Variants in TUBAL3 observed in about 807,000 individuals in gnomAD.
TUBAL3 encodes tubulin alpha like 3.
Under a neutral mutation model 15.5 loss-of-function variants are expected in TUBAL3, and 16 were observed. The observed-to-expected ratio is 1.04, with a 90% CI of 0.70 to 1.57. TUBAL3 has a LOEUF of 1.57. Among genes scored for constraint, TUBAL3 ranks in the 40% most tolerant of loss-of-function variants. The pLI is 0.00. For missense variants in TUBAL3, 609 were observed against 576.2 expected (o/e 1.06, Z -0.58); for synonymous variants, 238 against 224.3 (o/e 1.06, Z -0.55).
Position 5,396,726 on chromosome 10 carries a change from T to C in TUBAL3, c.248-1251A>G, listed in dbSNP as rs116813979. ...AGCCCCTGCCAGGTCTCATTGCCTT[T>C]TAAAAACCTGGGCAGCATGCCCTAC... is the stretch of plus-strand genomic sequence containing the variant. On this transcript the variant is annotated intron_variant, in intron 2 of 3. Transcript: ENST00000380419. This position sits in a 1 kb window ranked among gnomAD's most constrained non-coding sequence, Gnocchi z 5.1. Among the ~76,000 whole-genome samples, 2,178 of 152,236 alleles carry C rather than the reference T, an allele frequency of 0.014. 60 individuals are homozygous for C. The highest frequency in any genetic ancestry group is 0.049 in the African/African-American group (2,053 of 41,530).
intron 2 of TUBAL3, among the ~76,000 whole-genome samples, chr10:5,399,384 A>G (rs1414533053): frequency 6.6e-6 from 1 of 152,144 alleles, no homozygotes; most frequent in African/African-American, 2.4e-5. Flanking sequence ...GGGCCCTTAT[A>G]AGAAGAGACA....
rs1831742420 is a variant in TUBAL3, at chr10:5,395,057, T to C, written c.396+270A>G. Among the ~76,000 whole-genome samples, 1 of 152,158 alleles carries C rather than the reference T, an allele frequency of 6.6e-6. No homozygotes were observed. Among genetic ancestry groups the C allele is most frequent in the African/African-American group, 2.4e-5 (1 of 41,434 alleles). On this transcript the variant is annotated intron_variant, in intron 3 of 3. Coordinates refer to ENST00000380419, the MANE Select transcript of TUBAL3 (RefSeq NM_024803.3). This position sits in a 1 kb window ranked among gnomAD's most constrained non-coding sequence, Gnocchi z 4.6. ...TTTAGAGTGCTATGGGAGTCTCTCG[T>C]AACAAGATGAACCCTGTGTTAGGAG...
chr10:5,400,684 T>C (rs532218360), intron 2 of TUBAL3, among the ~76,000 whole-genome samples, 160 bp downstream of exon 2: 3 of 152,200 alleles, frequency 2.0e-5, no homozygotes, highest in Non-Finnish European at 4.4e-5. Flanking sequence ...TGGGTGTGTT[T>C]GTCATGTTAA....
chr10:5,398,647 C>A (rs1831802346), intron 2 of TUBAL3, among the ~76,000 whole-genome samples: 1 of 152,154 alleles, frequency 6.6e-6, no homozygotes, highest in Non-Finnish European at 1.5e-5. Flanking sequence ...CCCGGTTATT[C>A]ATTCCTTCTG....
chr10:5,393,641 T>A lies in TUBAL3; in HGVS notation c.1217A>T (p.Tyr406Phe). ...ARLDHKFDLM[Y>F]AKRAFLHWYL... The stretch of plus-strand genomic sequence containing the variant: ...CCAGTGCAGAAATGCTCTCTTGGCG[T>A]ACATGAGGTCAAACTTGTGGTCCAG... Residue 406 changes from tyrosine to phenylalanine, a missense_variant, in exon 4 of 4, where the codon TAC (tyrosine) becomes TTC (phenylalanine). Transcript: ENST00000380419. 6.2e-7 allele frequency: 1 copy of A among 1,614,180 alleles called. No individual in the cohort carries two copies. Among genetic ancestry groups the A allele is most frequent in the Non-Finnish European group, 8.5e-7 (1 of 1,180,042 alleles).
intron 2 of TUBAL3, among the ~76,000 whole-genome samples, chr10:5,399,067 G>A (rs1831808767): frequency 6.6e-6 from 1 of 152,068 alleles, no homozygotes; most frequent in Admixed American, 6.6e-5. Flanking sequence ...GGCAAACCTA[G>A]GACCAAACCC....
In TUBAL3 at chr10:5,395,458, G is replaced by A; in HGVS notation, c.265C>T (p.Gln89Ter). ...TCGGGGTGGAAGAGTGAACGGTGCT[G>A]GCCCGTCCGGATCCCATCTGCAGAG... ...PTVIDGIRTG[Q>*]HRSLFHPEQL... Residue 89 changes from glutamine (Q) to a stop codon, truncating the protein, a stop_gained, in exon 3 of 4, where the codon CAG (glutamine) becomes TAG (stop). Transcript: ENST00000380419. LOFTEE classifies it high-confidence loss of function. This position sits in a 1 kb window ranked among gnomAD's most constrained non-coding sequence, Gnocchi z 4.6. The A allele has an allele frequency of 6.4e-7, 1 of 1,561,444 alleles. No homozygotes were observed. Among genetic ancestry groups the A allele is most frequent in the East Asian group, 2.4e-5 (1 of 41,960 alleles).
In TUBAL3 at chr10:5,401,053, C is replaced by T. The variant is rs1453943274; in HGVS notation, c.38G>A (p.Gly13Asp). 9 of 1,613,984 alleles carry T rather than the reference C, an allele frequency of 5.6e-6. No homozygotes were observed. The highest frequency in any genetic ancestry group is 7.6e-6 in the Non-Finnish European group (9 of 1,180,034). The change falls in exon 2 of 4, where the codon GGC becomes GAC. Residue 13 changes from glycine to aspartate, a missense_variant. Physicochemically the swap from Gly to Asp is moderately conservative, Grantham distance 94 (BLOSUM62 -1). Coordinates refer to ENST00000380419, the MANE Select transcript of TUBAL3 (RefSeq NM_024803.3). ...ECLSIHIGQAGIQIGDACWEL... is the reference protein window; with the variant it reads ...ECLSIHIGQADIQIGDACWEL... Reference sequence around the variant, plus strand: ...CCAGCAGGCGTCCCCAATCTGGATGCCAGCTTGACCGATGTGGATGGAAAG... The same window carrying T: ...CCAGCAGGCGTCCCCAATCTGGATGTCAGCTTGACCGATGTGGATGGAAAG...
chr10:5,394,113 G>A lies in TUBAL3; in HGVS notation c.745C>T (p.Leu249Phe), dbSNP rs1554813825. ...ACATTCAAGGGCCCTTCAAACCGGA[G>A]GGAGGCAGTGATGGAAGATACCACC... ...VQVVSSITAS[L>F]RFEGPLNVDL... Residue 249 changes from leucine (L) to phenylalanine (F), a missense_variant, in exon 4 of 4, where the codon CTC becomes TTC. Coordinates refer to ENST00000380419, the MANE Select transcript of TUBAL3 (RefSeq NM_024803.3). The surrounding 1 kb of genome is among the most constrained non-coding windows in gnomAD (Gnocchi z 4.3). 6 of 1,614,222 alleles carry A rather than the reference G, an allele frequency of 3.7e-6. No individual in the cohort carries two copies. The highest frequency in any genetic ancestry group is 2.2e-5 in the South Asian group (2 of 91,084).
chr10:5,393,521 A>T lies in TUBAL3; in HGVS notation c.1337T>A (p.Phe446Tyr). The part of the protein sequence containing the change: ...ERDYEEVAQS[F>Y] Reference sequence around the variant, plus strand: ...TTTGCACCCATCATACATGCCTCAGAAACTTTGCGCCACTTCCTCATAGTC... The same window carrying T: ...TTTGCACCCATCATACATGCCTCAGTAACTTTGCGCCACTTCCTCATAGTC... The change falls in exon 4 of 4, where the codon TTC becomes TAC. Residue 446 changes from phenylalanine (F) to tyrosine (Y), a missense_variant. By Grantham distance (22) the Phe-to-Tyr change is conservative. Transcript: ENST00000380419. 1.3e-6 allele frequency: 2 copies of T among 1,599,806 alleles called. No individual in the cohort carries two copies. Among genetic ancestry groups the T allele is most frequent in the Non-Finnish European group, 1.7e-6 (2 of 1,173,328 alleles).
At chr10:5,402,352 G>A (rs1449756189) in intron 1 of TUBAL3, among the ~76,000 whole-genome samples, 1 of 152,210 alleles carries the variant, frequency 6.6e-6, no homozygotes, top group Non-Finnish European at 1.5e-5. Context: ...AGCAATCGCT[G>A]TTCTTAATAT....
chr10:5,399,976 A>C (rs1404348960), intron 2 of TUBAL3, among the ~76,000 whole-genome samples: 1 of 152,214 alleles, frequency 6.6e-6, no homozygotes, highest in Non-Finnish European at 1.5e-5. Flanking sequence ...GATGCACAAC[A>C]TCAAACCCAA....
Position 5,393,742 on chromosome 10 carries a change from A to G in TUBAL3, c.1116T>C (p.Gly372=), listed in dbSNP as rs1554813747. ...ACCGGTGGACTTTGGCCAGGTCCCC[A>G]CCCGGCATCACCGTGGGCGGCCGAT... ...INNRPPTVMP[G]GDLAKVHRSI... The change falls in exon 4 of 4, where the codon GGT becomes GGC. Residue 372 remains glycine, a synonymous_variant. Transcript: ENST00000380419. 1 of 1,614,084 alleles carries G rather than the reference A, an allele frequency of 6.2e-7. No individual in the cohort carries two copies. The highest frequency in any genetic ancestry group is 2.2e-5 in the East Asian group (1 of 44,894).
chr10:5,398,915 T>C (rs1173164336), intron 2 of TUBAL3, among the ~76,000 whole-genome samples: 1 of 152,194 alleles, frequency 6.6e-6, no homozygotes, highest in Non-Finnish European at 1.5e-5. Context: ...TACAATACAA[T>C]TAACTTTTTT....
In TUBAL3 at chr10:5,393,506, T is replaced by C; in HGVS notation, c.*11A>G. The C allele has an allele frequency of 1.3e-6, 2 of 1,584,712 alleles. No homozygotes were observed. Among genetic ancestry groups the C allele is most frequent in the Non-Finnish European group, 1.7e-6 (2 of 1,165,578 alleles). On this transcript the variant is annotated 3_prime_UTR_variant, in exon 4 of 4. Coordinates refer to ENST00000380419, the MANE Select transcript of TUBAL3 (RefSeq NM_024803.3). ...TTAACTTGACATTCATTTGCACCCA[T>C]CATACATGCCTCAGAAACTTTGCGC...
In TUBAL3 at chr10:5,397,216, A is replaced by G. The variant is rs1554814231; in HGVS notation, c.248-1741T>C. On this transcript the variant is annotated intron_variant, in intron 2 of 3. Coordinates refer to ENST00000380419, the MANE Select transcript of TUBAL3 (RefSeq NM_024803.3). The surrounding 1 kb of genome is among the most constrained non-coding windows in gnomAD (Gnocchi z 4.9). ...TTTAATAAGAGCACGATTGTTTTTC[A>G]ATTCACCGTGCCTTCCGTGCGTGAC... Among the ~76,000 whole-genome samples, 2 of 152,194 alleles carry G rather than the reference A, an allele frequency of 1.3e-5. No individual in the cohort carries two copies. Among genetic ancestry groups the G allele is most frequent in the Non-Finnish European group, 1.5e-5 (1 of 68,038 alleles).
At chr10:5,404,666 A>C (rs1381884878) in intron 1 of TUBAL3, 124 bp downstream of exon 1, 2 of 1,037,368 alleles carry the variant, frequency 1.9e-6, no homozygotes, top group East Asian at 5.2e-5. Flanking sequence ...GAAAGAAACA[A>C]ATGTTTCTTT....
intron 2 of TUBAL3, among the ~76,000 whole-genome samples, chr10:5,398,645 T>C (rs1486874089): frequency 6.6e-6 from 1 of 152,178 alleles, no homozygotes; most frequent in Non-Finnish European, 1.5e-5. Flanking sequence ...TCCCCGGTTA[T>C]TCATTCCTTC....
chr10:5,393,920 T>G lies in TUBAL3; in HGVS notation c.938A>C (p.Asp313Ala). 1 of 1,614,174 alleles carries G rather than the reference T, an allele frequency of 6.2e-7. No individual in the cohort carries two copies. Among genetic ancestry groups the G allele is most frequent in the Non-Finnish European group, 8.5e-7 (1 of 1,180,032 alleles). ...FESSNQLVKC[D>A]PRLGKYMACC... ...GGCCATGTACTTCCCAAGCCGAGGA[T>G]CACACTTGACCAGCTGGTTGGAGGA... The change falls in exon 4 of 4, where the codon GAT becomes GCT. Residue 313 changes from aspartate to alanine, a missense_variant. By Grantham distance (126) the Asp-to-Ala change is moderately radical. Coordinates refer to ENST00000380419, the MANE Select transcript of TUBAL3 (RefSeq NM_024803.3).
Sources: gnomAD v4.1 joint callset for allele counts (sites outside exome capture counted in the v4.1 genomes callset) on GRCh38, gnomAD v4.1.1 for gene constraint, Gnocchi (gnomAD v3.1) non-coding constraint, MANE v1.5 for transcripts, NCBI Gene and HGNC (gene_info 2026-07-23, HGNC 2026-07-21) for gene names.